Variants in SYNE2 observed in about 807,000 individuals in gnomAD.
SYNE2 encodes spectrin repeat containing nuclear envelope protein 2, also known as nesprin-2.
A neutral mutation model predicts 856.3 loss-of-function variants in SYNE2; 431 were observed. The ratio of observed to expected loss-of-function variants is 0.50; its 90% CI spans 0.47 to 0.55. The LOEUF is 0.55. Ranked by LOEUF, SYNE2 falls within the 20% of genes least tolerant of loss-of-function variation. SYNE2 has a pLI of 0.00. For synonymous variants in SYNE2, 2,923 were observed against 2,872.3 expected, an observed-to-expected ratio of 1.02 and a Z score of -0.56; for missense variants, 8,129 against 8,023.2, an observed-to-expected ratio of 1.01 and a Z score of -0.50.
intron 61 of SYNE2, among the ~76,000 whole-genome samples, chr14:64,095,863 G>C (rs1007716627): frequency 6.6e-6 from 1 of 152,100 alleles, no homozygotes; most frequent in Non-Finnish European, 1.5e-5. Context: ...CAGCAGTATC[G>C]GGAGGTGTGG....
At chr14:64,209,286 CAAG>C in intron 101 of SYNE2, 139 bp from the exon 102 acceptor site, 1 of 1,373,826 alleles carries the variant, frequency 7.3e-7, no homozygotes, top group South Asian at 1.3e-5. Context: ...GGAGCACAGA[CAAG>C]AAGTGGCGTC....
chr14:63,984,349 C>G (rs1490148101), intron 18 of SYNE2, among the ~76,000 whole-genome samples: 1 of 152,188 alleles, frequency 6.6e-6, no homozygotes, highest in East Asian at 1.9e-4. Context: ...AATGTTTTCC[C>G]TTATGAAGTC....
chr14:63,811,707 GA>G (rs1888621231), intron 1 of SYNE2, among the ~76,000 whole-genome samples: 1 of 152,160 alleles, frequency 6.6e-6, no homozygotes, highest in South Asian at 2.1e-4. Flanking sequence ...AGAGTACAAA[GA>G]GAGGAATTTT....
At chr14:64,177,592 C>A in intron 96 of SYNE2, 109 bp downstream of exon 96, 5 of 1,410,808 alleles carry the variant, frequency 3.5e-6, no homozygotes, top group South Asian at 2.3e-5. Flanking sequence ...CATTTTCAAT[C>A]AGAAAATATT....
chr14:63,764,658 G>C (rs1405423666), intron 1 of SYNE2, among the ~76,000 whole-genome samples: 1 of 148,702 alleles, frequency 6.7e-6, no homozygotes, highest in African/African-American at 2.5e-5. Flanking sequence ...GTGGTTTGCT[G>C]TACCCATCAA....
At chr14:63,840,921 G>A (rs1890046447) in intron 1 of SYNE2, among the ~76,000 whole-genome samples, 1 of 152,108 alleles carries the variant, frequency 6.6e-6, no homozygotes. Context: ...GGCTGAGGCA[G>A]GAGAATCGCT....
chr14:64,211,726 G>C (rs919811599), intron 103 of SYNE2, among the ~76,000 whole-genome samples: 1 of 152,206 alleles, frequency 6.6e-6, no homozygotes, highest in African/African-American at 2.4e-5. Flanking sequence ...CGACTTGCCA[G>C]CGTAGAAGCT....
At chr14:63,785,984 C>T (rs541847516) in intron 1 of SYNE2, among the ~76,000 whole-genome samples, 1 of 152,158 alleles carries the variant, frequency 6.6e-6, no homozygotes, top group Non-Finnish European at 1.5e-5. Context: ...GGCGCAGTGG[C>T]TCACGCCTGT....
Position 64,146,243 on chromosome 14 carries a change from C to G in SYNE2, c.15639+20C>G. On this transcript the variant is annotated intron_variant, in intron 84 of 115. Coordinates refer to ENST00000555002, the MANE Select transcript of SYNE2 (RefSeq NM_182914.3). ...TGTCAGGTGAGGAGGGGAACAGCAT[C>G]CCACCCAACCCGCGAGCTGGGGTGA... 1 of 1,591,054 alleles carries G rather than the reference C, an allele frequency of 6.3e-7. No individual in the cohort carries two copies. Among genetic ancestry groups the G allele is most frequent in the Non-Finnish European group, 8.6e-7 (1 of 1,169,288 alleles).
chr14:64,190,294 T>G, intron 99 of SYNE2, 57 bp downstream of exon 99: 1 of 1,602,274 alleles, frequency 6.2e-7, no homozygotes, highest in Non-Finnish European at 8.5e-7. Context: ...TTTACAGATC[T>G]AGTAAACTGA....
Position 64,209,448 on chromosome 14 carries a change from T to G in SYNE2, c.18410T>G (p.Leu6137Arg). ...ATCAGAATCGAGGAGACGTGGCGCC[T>G]GTGGCAGAAGTTTTTAGACGACTAT... ...RRMKIEETWR[L>R]WQKFLDDYSR... The change falls in exon 102 of 116, where the codon CTG becomes CGG. Residue 6137 changes from leucine (L) to arginine (R), a missense_variant. By Grantham distance (102) the Leu-to-Arg change is moderately radical. Around this residue, in one of 3 missense-constraint regions of SYNE2, gnomAD observed 5,410 missense variants for 5,284.8 expected, o/e 1.02. Coordinates refer to ENST00000555002, the MANE Select transcript of SYNE2 (RefSeq NM_182914.3). The G allele has an allele frequency of 6.2e-7, 1 of 1,614,218 alleles. No individual in the cohort carries two copies. The highest frequency in any genetic ancestry group is 8.5e-7 in the Non-Finnish European group (1 of 1,180,036).
chr14:63,853,659 G>A (rs938408041), intron 1 of SYNE2, among the ~76,000 whole-genome samples: 1 of 151,574 alleles, frequency 6.6e-6, no homozygotes, highest in African/African-American at 2.4e-5. Context: ...TGAGCGGTGC[G>A]GTGCTCGCCC....
intron 8 of SYNE2, among the ~76,000 whole-genome samples, chr14:63,957,644 G>A (rs1007818345): frequency 3.3e-5 from 5 of 151,830 alleles, no homozygotes; most frequent in African/African-American, 7.3e-5. Context: ...TGAGGCGGGC[G>A]GATCATGAGG....
intron 87 of SYNE2, among the ~76,000 whole-genome samples, chr14:64,160,612 A>G (rs978041144): frequency 6.6e-6 from 1 of 152,298 alleles, no homozygotes; most frequent in Non-Finnish European, 1.5e-5. Context: ...GCAGTGTGCT[A>G]TTTTCCACCT....
At chr14:64,103,814 A>T in intron 64 of SYNE2, among the ~76,000 whole-genome samples, 1 of 152,106 alleles carries the variant, frequency 6.6e-6, no homozygotes, top group East Asian at 1.9e-4. Flanking sequence ...GGTCCCTGGG[A>T]TGCCCTTTCT....
chr14:63,803,635 C>G (rs1319657268), intron 1 of SYNE2, among the ~76,000 whole-genome samples: 3 of 152,338 alleles, frequency 2.0e-5, no homozygotes, highest in African/African-American at 2.4e-5. Flanking sequence ...GGTTCCTGCT[C>G]GCGCCTCTCC....
intron 96 of SYNE2, among the ~76,000 whole-genome samples, chr14:64,185,672 C>T (rs1301010811): frequency 6.6e-6 from 1 of 151,920 alleles, no homozygotes; most frequent in African/African-American, 2.4e-5. Context: ...AGGCGCGCGC[C>T]ACCGCACCCA....
At chr14:64,097,445 G>A (rs77920677) in intron 61 of SYNE2, among the ~76,000 whole-genome samples, 5,661 of 152,248 alleles carry the variant, frequency 0.037, 126 homozygotes, top group East Asian at 0.075. Flanking sequence ...ATGTTAGTCT[G>A]CTTAAGAATT....
intron 110 of SYNE2, 61 bp from the exon 111 acceptor site, chr14:64,220,376 A>C (rs1596309678): frequency 1.3e-6 from 2 of 1,591,920 alleles, no homozygotes; most frequent in East Asian, 2.2e-5. Flanking sequence ...ACTGAGGTTC[A>C]AAATGAGCCC....
Sources: gnomAD v4.1 joint callset for allele counts (sites outside exome capture counted in the v4.1 genomes callset) on GRCh38, gnomAD v4.1.1 for gene constraint, gnomAD v4.1.1 regional missense constraint, MANE v1.5 for transcripts, NCBI Gene and HGNC (gene_info 2026-07-23, HGNC 2026-07-21) for gene names.